The following TOX4 variants were observed in gnomAD, a reference collection of about 807,000 sequenced individuals.
The protein encoded by TOX4 is epidermal Langerhans cell protein LCP1.
TOX4 carries 12 observed loss-of-function variants against 61.0 expected under a neutral mutation model. That is an observed-to-expected ratio of 0.20 (90% CI 0.13 to 0.32). TOX4 has a LOEUF of 0.32. Ranked by LOEUF, TOX4 falls within the 10% of genes least tolerant of loss-of-function variation. The pLI, the probability that TOX4 is intolerant of heterozygous loss-of-function variation, is 1.00. For missense variants in TOX4, 499 were observed against 753.3 expected (o/e 0.66, Z 3.95); for synonymous variants, 268 against 274.8 (o/e 0.98, Z 0.24).
chr14:21,496,453 T>A, intron 8 of TOX4, 93 bp from the exon 9 acceptor site: 2 of 1,138,434 alleles, frequency 1.8e-6, no homozygotes, highest in South Asian at 2.6e-5. Context: ...CGTGAACCCA[T>A]GAGGTCCGTC....
At chr14:21,480,673 C>CA (rs1225928707) in intron 2 of TOX4, among the ~76,000 whole-genome samples, 3 of 151,914 alleles carry the variant, frequency 2.0e-5, no homozygotes, top group Non-Finnish European at 4.4e-5. Context: ...TTCCTTTCAT[C>CA]AAAAAACATG....
intron 2 of TOX4, among the ~76,000 whole-genome samples, chr14:21,478,722 T>A (rs907932198): frequency 7.2e-5 from 11 of 152,234 alleles, no homozygotes; most frequent in Non-Finnish European, 1.2e-4. Flanking sequence ...TGTCAGTGGC[T>A]GTTGCATGGG....
chr14:21,497,540 T>G lies in TOX4; in HGVS notation c.*934T>G, dbSNP rs1272182139. ...TTTTTTGTTTTTTTTTTTTTTTTTT[T>G]TTTTTGAGACAGAGTCTCGCTCTGT... On this transcript the variant is annotated 3_prime_UTR_variant, in exon 9 of 9. Transcript: ENST00000448790. The G allele has an allele frequency of 9.7e-6, 1 of 103,326 alleles. No homozygotes were observed. The highest frequency in any genetic ancestry group is 2.0e-5 in the Non-Finnish European group (1 of 50,696). The allele number at this position is 103,326 out of a possible 1,614,324, so 6.4% of individuals were successfully genotyped here.
Position 21,492,920 on chromosome 14 carries a change from C to T in TOX4, c.1304C>T (p.Ser435Phe). 1.9e-6 allele frequency: 3 copies of T among 1,608,838 alleles called. No individual in the cohort carries two copies. The highest frequency in any genetic ancestry group is 2.5e-6 in the Non-Finnish European group (3 of 1,178,798). ...GCAGCAGCTGCTGCTGCTGCTGCTT[C>T]TATGCAACTGCCTCCACCCCGACTA... The part of the protein sequence containing the change: ...QAAAAAAAAA[S>F]MQLPPPRLQP... Residue 435 changes from serine to phenylalanine, a missense_variant, in exon 7 of 9, where the codon TCT (serine) becomes TTT (phenylalanine). Ser to Phe is a radical substitution (Grantham distance 155, BLOSUM62 -2). Around this residue, in one of 7 missense-constraint regions of TOX4, gnomAD observed 296 missense variants for 404.7 expected, o/e 0.73. Transcript: ENST00000448790.
intron 2 of TOX4, among the ~76,000 whole-genome samples, chr14:21,483,611 A>G (rs568539020): frequency 1.4e-3 from 219 of 152,152 alleles, no homozygotes; most frequent in Non-Finnish European, 2.7e-3. Flanking sequence ...CAAGAGTTCA[A>G]GGCTGCAGTG....
chr14:21,493,623 T>C (rs530868281), intron 7 of TOX4, among the ~76,000 whole-genome samples: 2 of 152,010 alleles, frequency 1.3e-5, no homozygotes, highest in South Asian at 2.1e-4. Context: ...GTATTTTTAG[T>C]AGAGACGGTT....
chr14:21,484,938 C>T lies in TOX4; in HGVS notation c.76-2513C>T, dbSNP rs1471072764. Among the ~76,000 whole-genome samples the T allele has an allele frequency of 3.7e-5, 4 of 106,898 alleles. 1 individual carries two copies. The highest frequency in any genetic ancestry group is 1.4e-4 in the African/African-American group (4 of 28,496). 70.1% of individuals were successfully genotyped at this position (106,898 alleles called of 152,430 possible). ...CCTCCCGAAGTGCTGGGATTACAGGCGTGAGCCACTGCTCCCAGCCTAATG... is the reference window on the plus strand; with the variant it reads ...CCTCCCGAAGTGCTGGGATTACAGGTGTGAGCCACTGCTCCCAGCCTAATG... On this transcript the variant is annotated intron_variant, in intron 2 of 8. Transcript: ENST00000448790.
chr14:21,490,591 ATAACATT>A (rs1433989367), intron 5 of TOX4, among the ~76,000 whole-genome samples: 1 of 152,250 alleles, frequency 6.6e-6, no homozygotes, highest in Non-Finnish European at 1.5e-5. Context: ...TTAAGGTCAT[ATAACATT>A]TAAGTGGTAA....
chr14:21,484,654 TTTTC>T (rs991077722), intron 2 of TOX4, among the ~76,000 whole-genome samples: 1 of 101,076 alleles, frequency 9.9e-6, no homozygotes, highest in African/African-American at 3.8e-5. Flanking sequence ...CCGGCCTTTA[TTTTC>T]TTTCTTTTTC....
rs188130510 is a variant in TOX4, at chr14:21,498,482, A to G, written c.*1876A>G. On this transcript the variant is annotated 3_prime_UTR_variant, in exon 9 of 9. Transcript: ENST00000448790. ...GCCTATCATCATATCAAATATGCCA[A>G]TTCTAAAAAGAGCTTAACATTAGAA... The G allele has an allele frequency of 5.2e-5, 51 of 973,164 alleles. No homozygotes were observed. The highest frequency in any genetic ancestry group is 5.0e-4 in the East Asian group (20 of 40,134). The allele number at this position is 973,164 out of a possible 1,614,324, so 60.3% of individuals were successfully genotyped here. A position where few individuals can be genotyped will look rare whatever the true frequency, so the allele number is the denominator to read the frequency against.
At chr14:21,484,260 TG>T (rs1891158842) in intron 2 of TOX4, among the ~76,000 whole-genome samples, 1 of 151,572 alleles carries the variant, frequency 6.6e-6, no homozygotes, top group South Asian at 2.1e-4. Flanking sequence ...ATTCAGAGAT[TG>T]GGCATTTCAC....
intron 5 of TOX4, 64 bp downstream of exon 5, chr14:21,489,467 G>C (rs1891247008): frequency 6.9e-7 from 1 of 1,442,336 alleles, no homozygotes; most frequent in African/African-American, 1.4e-5. Context: ...TAAAAATTGA[G>C]GTTTTCTTTT....
At position 21,496,888 on chromosome 14, in the gene TOX4, T is replaced by C; in HGVS notation, c.*282T>C. ...GCAAAGCATAGAGATGGTGGGGTGGTGGTGGGGTTGAAGAAACTTGTTGGT... is the reference window on the plus strand; with the variant it reads ...GCAAAGCATAGAGATGGTGGGGTGGCGGTGGGGTTGAAGAAACTTGTTGGT... On this transcript the variant is annotated 3_prime_UTR_variant, in exon 9 of 9. Coordinates refer to ENST00000448790, the MANE Select transcript of TOX4 (RefSeq NM_014828.4). 1 of 335,202 alleles carries C rather than the reference T, an allele frequency of 3.0e-6. No individual in the cohort carries two copies. The highest frequency in any genetic ancestry group is 4.5e-5 in the South Asian group (1 of 22,234). 20.8% of individuals were successfully genotyped at this position (335,202 alleles called of 1,614,324 possible).
intron 5 of TOX4, among the ~76,000 whole-genome samples, chr14:21,490,378 G>A (rs1566483485): frequency 6.6e-6 from 1 of 152,086 alleles, no homozygotes. Context: ...AGGCGGCTGA[G>A]GCAGGAGAAT....
At chr14:21,481,130 C>A (rs1433409682) in intron 2 of TOX4, among the ~76,000 whole-genome samples, 1 of 152,162 alleles carries the variant, frequency 6.6e-6, no homozygotes, top group Non-Finnish European at 1.5e-5. Flanking sequence ...TTTGAACAGT[C>A]ACTTCACAAA....
chr14:21,490,182 T>C (rs1383397921), intron 5 of TOX4, among the ~76,000 whole-genome samples: 1 of 149,484 alleles, frequency 6.7e-6, no homozygotes, highest in African/African-American at 2.5e-5. Context: ...AATAAATAAA[T>C]AATAATTGTT....
chr14:21,495,399 T>G lies in TOX4; in HGVS notation c.1805+7T>G, dbSNP rs1369843775. On this transcript the variant is annotated splice_region_variant and intron_variant, in intron 8 of 8. Transcript: ENST00000448790. ...GTGTGGTGAAGCACTGCAGGTGAGC[T>G]TACAGTTCTCCCTTTTATAATTCAG... The G allele has an allele frequency of 6.2e-6, 10 of 1,608,866 alleles. No individual in the cohort carries two copies. The African/African-American group carries it at 1.1e-4, about 17-fold the overall frequency.
chr14:21,492,427 G>C (rs1269264153), intron 6 of TOX4, 51 bp downstream of exon 6: 2 of 1,608,982 alleles, frequency 1.2e-6, no homozygotes, highest in African/African-American at 1.3e-5. Flanking sequence ...AAGTTTTTTG[G>C]AAGTGTTTGT....
intron 7 of TOX4, 46 bp downstream of exon 7, chr14:21,493,303 A>C: frequency 6.5e-7 from 1 of 1,538,704 alleles, no homozygotes; most frequent in Non-Finnish European, 8.7e-7. Context: ...AATGTATAAA[A>C]ATGTTTTTGG....
Sources: allele counts gnomAD v4.1 joint callset (sites outside exome capture counted in the v4.1 genomes callset), GRCh38; gene constraint gnomAD v4.1.1; regional missense constraint gnomAD v4.1.1; transcripts MANE v1.5; gene names NCBI Gene and HGNC (gene_info 2026-07-23, HGNC 2026-07-21).